Variants in DTNB observed in about 807,000 individuals in gnomAD.
DTNB encodes the protein DTN-B.
In DTNB, 63 loss-of-function variants were observed where a neutral mutation model predicts 90.7. The ratio of observed to expected loss-of-function variants is 0.69; its 90% CI spans 0.57 to 0.86. The LOEUF (loss-of-function observed/expected upper bound fraction) is 0.86, where lower values mean the gene tolerates loss of function less well. DTNB is among the 40% of genes least tolerant of loss of function. DTNB has a pLI of 0.00. For missense variants in DTNB, 744 were observed against 807.1 expected, an observed-to-expected ratio of 0.92 and a Z score of 0.95; for synonymous variants, 277 against 286.7, an observed-to-expected ratio of 0.97 and a Z score of 0.34.
chr2:25,383,976 G>A (rs2038697167), intron 18 of DTNB, 87 bp from the exon 19 acceptor site: 6 of 1,604,132 alleles, frequency 3.7e-6, no homozygotes, highest in Non-Finnish European at 5.1e-6. Context: ...GCTGAGGCTT[G>A]GGAGGAAACT....
At chr2:25,489,404 T>C (rs2066894594) in intron 9 of DTNB, among the ~76,000 whole-genome samples, 2 of 152,086 alleles carry the variant, frequency 1.3e-5, no homozygotes, top group South Asian at 4.1e-4. Flanking sequence ...AAGAAAAATT[T>C]AGAAAAAATA....
At chr2:25,378,376 C>T (rs915245162) in intron 20 of DTNB, among the ~76,000 whole-genome samples, 7 of 152,214 alleles carry the variant, frequency 4.6e-5, no homozygotes, top group Admixed American at 4.6e-4. Context: ...CCAGAGTCAG[C>T]GCAGGCCGAG....
chr2:25,429,916 A>T (rs1441593716), intron 14 of DTNB, among the ~76,000 whole-genome samples: 1 of 152,150 alleles, frequency 6.6e-6, no homozygotes, highest in South Asian at 2.1e-4. Flanking sequence ...CTTTTCTGAA[A>T]TGTGCCATAA....
At chr2:25,629,839 G>C (rs1246087772) in intron 3 of DTNB, among the ~76,000 whole-genome samples, 1 of 152,164 alleles carries the variant, frequency 6.6e-6, no homozygotes, top group Admixed American at 6.5e-5. Context: ...CTCCCCTCAA[G>C]ATCAGGAACA....
In DTNB at chr2:25,385,495, A is replaced by C. The variant is rs536992881; in HGVS notation, c.1826-1606T>G. Among the ~76,000 whole-genome samples, 74 of 152,280 alleles carry C rather than the reference A, an allele frequency of 4.9e-4. 2 individuals are homozygous for C. The South Asian group carries it at 0.014, about 29-fold the overall frequency. On this transcript the variant is annotated intron_variant, in intron 18 of 20. Coordinates refer to ENST00000406818, the MANE Select transcript of DTNB (RefSeq NM_021907.5). ...CCACGTCTACCTACAGGCTTCAGTG[A>C]CTGAGAGGACAGCATCAGGGAAAGG...
intron 5 of DTNB, among the ~76,000 whole-genome samples, chr2:25,598,394 T>C (rs1424733067): frequency 6.6e-6 from 1 of 152,168 alleles, no homozygotes; most frequent in Non-Finnish European, 1.5e-5. Context: ...GGACTTCTTT[T>C]ATGTGAGAGA....
intron 1 of DTNB, among the ~76,000 whole-genome samples, chr2:25,664,814 A>C (rs2084037657): frequency 6.6e-6 from 1 of 152,176 alleles, no homozygotes; most frequent in Non-Finnish European, 1.5e-5. Flanking sequence ...CAAAGCTAGG[A>C]ATCTGCGGAG....
intron 16 of DTNB, among the ~76,000 whole-genome samples, chr2:25,406,113 G>A (rs2045090149): frequency 6.6e-6 from 1 of 152,132 alleles, no homozygotes; most frequent in African/African-American, 2.4e-5. Context: ...TACGTGCAGA[G>A]GAGGGATCTG....
rs547582924 is a variant in DTNB, at chr2:25,572,530, G to A, written c.876+4308C>T. ...GCTCCCAATATACAACGGTGGAGCC[G>A]GAGCAGGAGTTTCTTCCTTATCCGA... On this transcript the variant is annotated intron_variant, in intron 8 of 20. Transcript: ENST00000406818. 1.4e-4 allele frequency among the ~76,000 whole-genome samples: 21 copies of A among 151,422 alleles called. No individual in the cohort carries two copies. The East Asian group carries it at 3.3e-3, about 24-fold the overall frequency.
chr2:25,660,939 T>C (rs1441938204), intron 1 of DTNB, among the ~76,000 whole-genome samples: 1 of 152,222 alleles, frequency 6.6e-6, no homozygotes, highest in Non-Finnish European at 1.5e-5. Flanking sequence ...TCCTGTGAAT[T>C]CACAATCTCT....
At chr2:25,576,211 G>A (rs980577105) in intron 8 of DTNB, among the ~76,000 whole-genome samples, 1 of 145,806 alleles carries the variant, frequency 6.9e-6, no homozygotes, top group Non-Finnish European at 1.5e-5. Flanking sequence ...GAATCCCCTT[G>A]AACAGTTTTG....
At position 25,538,540 on chromosome 2, in the gene DTNB, C is replaced by G. The variant is rs529519798; in HGVS notation, c.877-6943G>C. ...GATCTCGGCTCACTGCATCCTCTGC[C>G]TCCTGGGTTCAAGTGATTTTCCTGC... is the stretch of plus-strand genomic sequence containing the variant. On this transcript the variant is annotated intron_variant, in intron 8 of 20. Transcript: ENST00000406818. Among the ~76,000 whole-genome samples the G allele has an allele frequency of 2.4e-4, 37 of 152,256 alleles. 1 individual carries two copies. The South Asian group carries it at 6.8e-3, about 28-fold the overall frequency.
intron 4 of DTNB, among the ~76,000 whole-genome samples, chr2:25,615,670 C>T (rs1216071861): frequency 6.6e-6 from 1 of 152,178 alleles, no homozygotes; most frequent in Admixed American, 6.6e-5. Flanking sequence ...TCTCCTACAA[C>T]CCCTATCACT....
intron 8 of DTNB, chr2:25,558,289 A>G (rs2057704469): frequency 2.0e-6 from 2 of 985,326 alleles, no homozygotes; most frequent in South Asian, 9.4e-5. Flanking sequence ...AATCACTGAT[A>G]AATTTGAGTT....
At chr2:25,586,364 G>A (rs773494698) in intron 6 of DTNB, among the ~76,000 whole-genome samples, 48 of 151,902 alleles carry the variant, frequency 3.2e-4, no homozygotes, top group African/African-American at 1.0e-3. Context: ...ACAAAAATTC[G>A]CCAGGTGCGG....
chr2:25,413,753 T>G (rs2047192002), intron 16 of DTNB, among the ~76,000 whole-genome samples: 1 of 152,210 alleles, frequency 6.6e-6, no homozygotes, highest in African/African-American at 2.4e-5. Context: ...TGTGCATGTG[T>G]CTTTATAGCA....
intron 4 of DTNB, among the ~76,000 whole-genome samples, chr2:25,623,318 C>CT (rs1042918830): frequency 1.9e-4 from 29 of 152,276 alleles, no homozygotes; most frequent in African/African-American, 6.7e-4. Flanking sequence ...GATGAAATCA[C>CT]TTTTTCCATG....
At chr2:25,428,144 C>G (rs1257448881) in intron 14 of DTNB, 1 of 152,158 alleles carries the variant, frequency 6.6e-6, no homozygotes, top group Non-Finnish European at 1.5e-5. Flanking sequence ...CAAAACCAGA[C>G]TTAAGACTTT....
At chr2:25,394,608 C>A (rs865944704) in intron 16 of DTNB, among the ~76,000 whole-genome samples, 24 of 152,006 alleles carry the variant, frequency 1.6e-4, no homozygotes, top group African/African-American at 5.3e-4. Context: ...AGATGGTATA[C>A]AAATGGCCAA....
Sources: allele counts gnomAD v4.1 joint callset (sites outside exome capture counted in the v4.1 genomes callset), GRCh38; gene constraint gnomAD v4.1.1; transcripts MANE v1.5; gene names NCBI Gene and HGNC (gene_info 2026-07-23, HGNC 2026-07-21).